Variants in ADAMTS12 observed in about 807,000 individuals in gnomAD.
ADAMTS12 encodes the protein A disintegrin and metalloproteinase with thrombospondin motifs 12.
ADAMTS12 carries 118 observed loss-of-function variants against 167.8 expected under a neutral mutation model. The observed-to-expected ratio is 0.70, with a 90% confidence interval of 0.61 to 0.82. ADAMTS12 has a LOEUF of 0.82. ADAMTS12 is among the 40% of genes least tolerant of loss of function. ADAMTS12 has a pLI of 0.00. For synonymous variants in ADAMTS12, 704 were observed against 716.9 expected, an observed-to-expected ratio of 0.98 and a Z score of 0.29; for missense variants, 1,916 against 1,998.8, an observed-to-expected ratio of 0.96 and a Z score of 0.79.
In ADAMTS12 at chr5:33,636,982, A is replaced by G. The variant is rs550354341; in HGVS notation, c.1888+595T>C. Among the ~76,000 whole-genome samples the G allele has an allele frequency of 7.9e-5, 12 of 152,280 alleles. No individual in the cohort carries two copies. In the South Asian group the frequency reaches 2.5e-3, roughly 32 times the overall value. On this transcript the variant is annotated intron_variant, in intron 12 of 23. Transcript: ENST00000504830. ...TTTCACCCTTCTCATACTCCAGTAC[A>G]TATAAAATGTTGACTTCTGTTGCAG... is the stretch of plus-strand genomic sequence containing the variant.
intron 3 of ADAMTS12, among the ~76,000 whole-genome samples, chr5:33,742,663 G>C (rs1045123676): frequency 6.6e-6 from 1 of 152,166 alleles, no homozygotes. Context: ...CACTAGGCTT[G>C]ATACTTAAAA....
In ADAMTS12 at chr5:33,576,187, C is replaced by T. The variant is rs1746701244; in HGVS notation, c.3839G>A (p.Ser1280Asn). The T allele has an allele frequency of 1.2e-6, 2 of 1,614,070 alleles. No individual in the cohort carries two copies. The highest frequency in any genetic ancestry group is 1.7e-6 in the Non-Finnish European group (2 of 1,180,040). Residue 1280 changes from serine (S) to asparagine (N), a missense_variant, in exon 19 of 24, where the codon AGT becomes AAT. Transcript: ENST00000504830. ...KLPNNMNQTK[S>N]SEPVLTEEDA... ...CTCCTCAGTCAGGACTGGTTCAGAACTTTTTGTTTGGTTCATGTTGTTTGG... is the reference window on the plus strand; with the variant it reads ...CTCCTCAGTCAGGACTGGTTCAGAATTTTTTGTTTGGTTCATGTTGTTTGG...
chr5:33,816,130 T>C (rs1747643243), intron 2 of ADAMTS12, among the ~76,000 whole-genome samples: 1 of 152,194 alleles, frequency 6.6e-6, no homozygotes. Flanking sequence ...GCCTGTCAGA[T>C]CTTTTTCTGT....
intron 3 of ADAMTS12, among the ~76,000 whole-genome samples, chr5:33,736,106 A>G (rs1248856614): frequency 2.7e-5 from 4 of 148,948 alleles, no homozygotes; most frequent in Non-Finnish European, 4.4e-5. Context: ...CTTGTCACCC[A>G]GGCTGTGGTG....
chr5:33,548,970 C>A (rs1162547145), intron 21 of ADAMTS12, among the ~76,000 whole-genome samples: 1 of 152,224 alleles, frequency 6.6e-6, no homozygotes, highest in Non-Finnish European at 1.5e-5. Flanking sequence ...TGCAACACAA[C>A]ACTGAACTGC....
At chr5:33,807,874 G>C (rs1747301189) in intron 2 of ADAMTS12, among the ~76,000 whole-genome samples, 1 of 151,978 alleles carries the variant, frequency 6.6e-6, no homozygotes, top group African/African-American at 2.4e-5. Flanking sequence ...ATCTGACAAC[G>C]AGTTGGAGCT....
At chr5:33,668,628 C>T (rs911272458) in intron 5 of ADAMTS12, among the ~76,000 whole-genome samples, 2 of 152,136 alleles carry the variant, frequency 1.3e-5, no homozygotes, top group Non-Finnish European at 2.9e-5. Context: ...GACTATAAGC[C>T]TGCACCACCA....
intron 9 of ADAMTS12, among the ~76,000 whole-genome samples, chr5:33,648,524 G>A (rs1352118552): frequency 6.6e-6 from 1 of 152,226 alleles, no homozygotes; most frequent in Non-Finnish European, 1.5e-5. Flanking sequence ...TAGGGATTAA[G>A]TTGGTTGCTA....
At chr5:33,565,508 A>C (rs892814808) in intron 19 of ADAMTS12, among the ~76,000 whole-genome samples, 1 of 152,168 alleles carries the variant, frequency 6.6e-6, no homozygotes, top group Non-Finnish European at 1.5e-5. Context: ...AGCAGGCACC[A>C]GGCCCTGTCA....
chr5:33,700,527 G>A lies in ADAMTS12; in HGVS notation c.635-16472C>T, dbSNP rs146499826. On this transcript the variant is annotated intron_variant, in intron 3 of 23. Coordinates refer to ENST00000504830, the MANE Select transcript of ADAMTS12 (RefSeq NM_030955.4). ...AGTGGTTGCCAAGGGTTAGGATGGA[G>A]GGATGAGGGCATGGTAGGGAGGTGG... 1.6e-3 allele frequency among the ~76,000 whole-genome samples: 238 copies of A among 152,298 alleles called. 1 individual carries two copies. The highest frequency in any genetic ancestry group is 5.1e-3 in the African/African-American group (214 of 41,564).
chr5:33,694,746 A>G (rs1742690763), intron 3 of ADAMTS12, among the ~76,000 whole-genome samples: 1 of 152,252 alleles, frequency 6.6e-6, no homozygotes, highest in Non-Finnish European at 1.5e-5. Context: ...TGTGCTGGCT[A>G]GATTTCAAAG....
At chr5:33,561,499 C>A (rs953668042) in intron 19 of ADAMTS12, among the ~76,000 whole-genome samples, 2 of 152,196 alleles carry the variant, frequency 1.3e-5, no homozygotes, top group Admixed American at 6.5e-5. Context: ...CTTATCCTGG[C>A]AGGCCAGGGG....
intron 5 of ADAMTS12, among the ~76,000 whole-genome samples, chr5:33,668,221 A>T (rs1741540057): frequency 6.6e-6 from 1 of 152,232 alleles, no homozygotes; most frequent in Admixed American, 6.5e-5. Context: ...TTGGAAAAAA[A>T]TCATCTCATA....
intron 3 of ADAMTS12, among the ~76,000 whole-genome samples, chr5:33,718,464 T>G (rs950722560): frequency 6.6e-6 from 1 of 152,190 alleles, no homozygotes; most frequent in African/African-American, 2.4e-5. Flanking sequence ...AACCCTATTC[T>G]GCACTGTATA....
chr5:33,539,439 G>C (rs984810821), intron 22 of ADAMTS12, among the ~76,000 whole-genome samples: 4 of 152,194 alleles, frequency 2.6e-5, no homozygotes, highest in African/African-American at 7.2e-5. Flanking sequence ...AAAGCTTTAG[G>C]ACAGATGCCA....
chr5:33,675,273 G>A (rs1323155533), intron 5 of ADAMTS12, among the ~76,000 whole-genome samples: 1 of 152,170 alleles, frequency 6.6e-6, no homozygotes, highest in East Asian at 1.9e-4. Flanking sequence ...AAGCAGTAGT[G>A]AGAACCACGT....
chr5:33,889,759 C>T (rs1409761012), intron 1 of ADAMTS12, among the ~76,000 whole-genome samples: 2 of 152,094 alleles, frequency 1.3e-5, no homozygotes, highest in African/African-American at 4.8e-5. Flanking sequence ...TGGAGACAGC[C>T]TGGCCAACAT....
At chr5:33,849,751 ATAGTAT>A (rs1749149242) in intron 2 of ADAMTS12, among the ~76,000 whole-genome samples, 2 of 149,918 alleles carry the variant, frequency 1.3e-5, no homozygotes, top group African/African-American at 4.9e-5. Context: ...ATAGCAATAT[ATAGTAT>A]CTATATATGT....
At chr5:33,672,895 G>C (rs1741767454) in intron 5 of ADAMTS12, among the ~76,000 whole-genome samples, 1 of 152,216 alleles carries the variant, frequency 6.6e-6, no homozygotes. Flanking sequence ...CAGTATCTTA[G>C]CCAAGTCACA....
Sources: gnomAD v4.1 joint callset for allele counts (sites outside exome capture counted in the v4.1 genomes callset) on GRCh38, gnomAD v4.1.1 for gene constraint, MANE v1.5 for transcripts, NCBI Gene and HGNC (gene_info 2026-07-23, HGNC 2026-07-21) for gene names.